Variants in BIRC6 observed in about 807,000 individuals in gnomAD.
BIRC6 encodes the protein dual E2 ubiquitin-conjugating enzyme/E3 ubiquitin-protein ligase BIRC6.
BIRC6 carries 98 observed loss-of-function variants against 503.3 expected under a neutral mutation model. That is an observed-to-expected ratio of 0.19 (90% CI 0.17 to 0.23). The LOEUF is 0.23. BIRC6 is among the 10% of genes least tolerant of loss of function. The pLI, the probability that BIRC6 is intolerant of heterozygous loss-of-function variation, is 1.00. For synonymous variants in BIRC6, 2,240 were observed against 2,078.7 expected, an observed-to-expected ratio of 1.08 and a Z score of -2.11; for missense variants, 5,360 against 5,806.0, an observed-to-expected ratio of 0.92 and a Z score of 2.50.
intron 55 of BIRC6, among the ~76,000 whole-genome samples, chr2:32,517,686 G>T (rs976613110): frequency 3.9e-5 from 6 of 152,134 alleles, no homozygotes; most frequent in Non-Finnish European, 8.8e-5. Flanking sequence ...AAGAAGTCCT[G>T]CCTCAGCCTC....
chr2:32,414,510 T>C (rs1341299723), intron 9 of BIRC6, among the ~76,000 whole-genome samples: 1 of 151,760 alleles, frequency 6.6e-6, no homozygotes, highest in South Asian at 2.1e-4. Flanking sequence ...CTACTAAAAA[T>C]AGAAAAATTA....
rs1218493549 is a variant in BIRC6 at position 32,482,504 on chromosome 2, C to T, written c.7618C>T (p.Leu2540=). The T allele has an allele frequency of 6.2e-7, 1 of 1,613,740 alleles. No homozygotes were observed. Among genetic ancestry groups the T allele is most frequent in the Non-Finnish European group, 8.5e-7 (1 of 1,179,840 alleles). ...CAATTACAACCCTTACATTGGAGGT[C>T]TGGGAATTCCTGTAGCAAAGCCACC... The part of the protein sequence containing the change: ...TYNYNPYIGG[L]GIPVAKPPAN... Residue 2540 remains leucine, a synonymous_variant, in exon 39 of 74, where the codon CTG becomes TTG. Coordinates refer to ENST00000421745, the MANE Select transcript of BIRC6 (RefSeq NM_016252.4).
chr2:32,371,199 G>C (rs1247396803), intron 1 of BIRC6, among the ~76,000 whole-genome samples: 1 of 108,364 alleles, frequency 9.2e-6, no homozygotes, highest in African/African-American at 3.6e-5. Flanking sequence ...CTGGGCAACA[G>C]AGTGAGACCC....
intron 66 of BIRC6, among the ~76,000 whole-genome samples, chr2:32,587,171 G>A (rs1303830932): frequency 6.6e-6 from 1 of 152,188 alleles, no homozygotes; most frequent in Non-Finnish European, 1.5e-5. Flanking sequence ...CACAGATCAT[G>A]AGGTCAGGAG....
intron 58 of BIRC6, 133 bp downstream of exon 58, chr2:32,525,152 G>T: frequency 1.2e-6 from 1 of 830,600 alleles, no homozygotes; most frequent in Non-Finnish European, 1.7e-6. Flanking sequence ...TTTAATACTA[G>T]ATTTTTATCT....
intron 22 of BIRC6, among the ~76,000 whole-genome samples, chr2:32,450,301 AC>A (rs1335833107): frequency 2.0e-5 from 3 of 152,148 alleles, no homozygotes; most frequent in Non-Finnish European, 4.4e-5. Flanking sequence ...ACACGGTGAA[AC>A]CCCGTCTCTA....
In BIRC6 at chr2:32,515,242, A is replaced by G. The variant is rs773916538; in HGVS notation, c.10821A>G (p.Glu3607=). 32 of 1,613,782 alleles carry G rather than the reference A, an allele frequency of 2.0e-5. No individual in the cohort carries two copies. Among genetic ancestry groups the G allele is most frequent in the Admixed American group, 1.0e-4 (6 of 60,008 alleles). ...KNAQAPLALT[E]SHLATLASSS... ...CACAAGCACCTCTCGCATTAACTGA[A>G]TCACATTTGGCTACCCTTGCTTCCT... The change falls in exon 55 of 74, where the codon GAA becomes GAG. Residue 3607 remains glutamate (E), a synonymous_variant. Transcript: ENST00000421745.
intron 66 of BIRC6, among the ~76,000 whole-genome samples, chr2:32,578,991 C>T (rs62136334): frequency 0.015 from 388 of 26,574 alleles, 15 homozygotes; most frequent in African/African-American, 0.054. Context: ...TATATATATA[C>T]ACTTAATATA....
chr2:32,518,164 ATTC>A, intron 55 of BIRC6, 87 bp from the exon 56 acceptor site: 1 of 1,233,122 alleles, frequency 8.1e-7, no homozygotes, highest in Non-Finnish European at 1.1e-6. Context: ...AAATAAACTT[ATTC>A]ATATTTTCTG....
chr2:32,361,693 C>G (rs1430756060), intron 1 of BIRC6, among the ~76,000 whole-genome samples: 1 of 152,098 alleles, frequency 6.6e-6, no homozygotes, highest in Non-Finnish European at 1.5e-5. Context: ...TTCCTTTTCC[C>G]CCCAACTGTT....
At chr2:32,596,198 A>T (rs1261829174) in intron 68 of BIRC6, among the ~76,000 whole-genome samples, 1 of 152,088 alleles carries the variant, frequency 6.6e-6, no homozygotes, top group Non-Finnish European at 1.5e-5. Flanking sequence ...TAAAAAACTG[A>T]CCTGGCCGGG....
intron 70 of BIRC6, among the ~76,000 whole-genome samples, chr2:32,601,086 A>G (rs995516556): frequency 2.0e-5 from 3 of 152,260 alleles, no homozygotes; most frequent in Non-Finnish European, 4.4e-5. Flanking sequence ...CCTGGGCCGC[A>G]TGTGGCCTGC....
At chr2:32,497,075 T>TA (rs1188982620) in intron 45 of BIRC6, among the ~76,000 whole-genome samples, 1 of 152,242 alleles carries the variant, frequency 6.6e-6, no homozygotes, top group Non-Finnish European at 1.5e-5. Context: ...GCTAAGACCT[T>TA]AAAAAAATTA....
At chr2:32,596,019 TTTA>T (rs1307405264) in intron 68 of BIRC6, among the ~76,000 whole-genome samples, 1 of 152,120 alleles carries the variant, frequency 6.6e-6, no homozygotes, top group Admixed American at 6.5e-5. Context: ...TTTTATTGAA[TTTA>T]TTATTTTATT....
At chr2:32,436,844 G>A (rs986991029) in intron 15 of BIRC6, among the ~76,000 whole-genome samples, 16 of 6,066 alleles carry the variant, frequency 2.6e-3, no homozygotes, top group African/African-American at 0.014. Context: ...GATTACAGGC[G>A]TCAGCACCGC....
At chr2:32,511,532 G>A (rs1213503373) in intron 53 of BIRC6, among the ~76,000 whole-genome samples, 5 of 125,540 alleles carry the variant, frequency 4.0e-5, no homozygotes, top group African/African-American at 1.2e-4. Flanking sequence ...GGGCTTTACC[G>A]TGTTAGTCAG....
chr2:32,487,575 T>C, intron 40 of BIRC6, 72 bp from the exon 41 acceptor site: 1 of 1,339,974 alleles, frequency 7.5e-7, no homozygotes, highest in Non-Finnish European at 1.0e-6. Flanking sequence ...AACCTATTTA[T>C]ACATATGAAT....
At chr2:32,376,760 T>G (rs1461037989) in intron 1 of BIRC6, among the ~76,000 whole-genome samples, 2 of 152,214 alleles carry the variant, frequency 1.3e-5, no homozygotes, top group African/African-American at 2.4e-5. Flanking sequence ...GTAATAAAGT[T>G]TAATTTAAAA....
At chr2:32,462,398 A>G (rs1040969958) in intron 23 of BIRC6, among the ~76,000 whole-genome samples, 3 of 152,220 alleles carry the variant, frequency 2.0e-5, no homozygotes, top group African/African-American at 7.2e-5. Flanking sequence ...AATGAAATGG[A>G]AAATCAAAGA....
Sources: gnomAD v4.1 joint callset for allele counts (sites outside exome capture counted in the v4.1 genomes callset) on GRCh38, gnomAD v4.1.1 for gene constraint, MANE v1.5 for transcripts, NCBI Gene and HGNC (gene_info 2026-07-23, HGNC 2026-07-21) for gene names.